The following ERGIC1 variants were observed in gnomAD, a reference collection of about 807,000 sequenced individuals.
ERGIC1 encodes endoplasmic reticulum-golgi intermediate compartment 1, also known as endoplasmic reticulum-Golgi intermediate compartment protein 1.
ERGIC1 carries 19 observed loss-of-function variants against 38.3 expected under a neutral mutation model. The observed-to-expected ratio is 0.50, with a 90% CI of 0.35 to 0.73. ERGIC1 has a LOEUF of 0.73. ERGIC1 is among the 30% of genes least tolerant of loss of function. The pLI is 0.01. For missense variants in ERGIC1, 294 were observed against 389.2 expected (o/e 0.76, Z 2.06); for synonymous variants, 124 against 157.6 (o/e 0.79, Z 1.60).
At chr5:172,941,389 T>C (rs1764009960) in intron 9 of ERGIC1, among the ~76,000 whole-genome samples, 1 of 152,144 alleles carries the variant, frequency 6.6e-6, no homozygotes, top group African/African-American at 2.4e-5. Context: ...CCCAGCAACC[T>C]CTCAAGGTAG....
At chr5:172,914,934 G>C (rs1028179244) in intron 5 of ERGIC1, 96 bp downstream of exon 5, 3 of 1,566,588 alleles carry the variant, frequency 1.9e-6, no homozygotes, top group African/African-American at 2.7e-5. Context: ...CACTCGACCT[G>C]ACCCTGACAC....
At chr5:172,863,737 G>C (rs1761778956) in intron 1 of ERGIC1, among the ~76,000 whole-genome samples, 1 of 152,216 alleles carries the variant, frequency 6.6e-6, no homozygotes, top group Non-Finnish European at 1.5e-5. Context: ...CTCCTGGTAT[G>C]TTGTTATTCT....
chr5:172,947,876 TTGTGTGTGTGTGTGTGTGTG>T (rs10566172), intron 9 of ERGIC1, among the ~76,000 whole-genome samples: 5 of 145,728 alleles, frequency 3.4e-5, no homozygotes, highest in South Asian at 2.2e-4. Context: ...CAGATGTGTT[TTGTGTGTGTGTGTGTGTGTG>T]TGTGTGTGTG....
At chr5:172,936,920 G>A (rs1763897457) in intron 9 of ERGIC1, 1 of 152,104 alleles carries the variant, frequency 6.6e-6, no homozygotes, top group Non-Finnish European at 1.5e-5. Flanking sequence ...GATCACTTGA[G>A]CCCAGGATTT....
At chr5:172,903,473 C>G (rs1762937511) in intron 3 of ERGIC1, among the ~76,000 whole-genome samples, 1 of 152,154 alleles carries the variant, frequency 6.6e-6, no homozygotes, top group Non-Finnish European at 1.5e-5. Flanking sequence ...GCTCTGGGCC[C>G]CCTGTCCCTG....
chr5:172,912,163 C>A (rs987086135), intron 4 of ERGIC1, among the ~76,000 whole-genome samples: 1 of 149,434 alleles, frequency 6.7e-6, no homozygotes, highest in Non-Finnish European at 1.5e-5. Context: ...GCCATTTATT[C>A]CATTCTTCCA....
At position 172,938,128 on chromosome 5, in the gene ERGIC1, C is replaced by A. The variant is rs191507146; in HGVS notation, c.765+2818C>A. Reference sequence around the variant, plus strand: ...GCTACCCTGAGGGGAGATGCACAAACCCCAGGACCCAAAAAATCAGGGGAT... The same window carrying A: ...GCTACCCTGAGGGGAGATGCACAAAACCCAGGACCCAAAAAATCAGGGGAT... On this transcript the variant is annotated intron_variant, in intron 9 of 9. Coordinates refer to ENST00000393784, the MANE Select transcript of ERGIC1 (RefSeq NM_001031711.3). The A allele has an allele frequency of 5.9e-5, 9 of 152,280 alleles. No individual in the cohort carries two copies. The East Asian group carries it at 1.7e-3, about 29-fold the overall frequency. The allele number at this position is 152,280 out of a possible 1,614,324, so 9.4% of individuals were successfully genotyped here.
At chr5:172,928,840 G>C (rs486113) in intron 7 of ERGIC1, among the ~76,000 whole-genome samples, 61,553 of 151,976 alleles carry the variant, frequency 0.41, 13,007 homozygotes, top group African/African-American at 0.5. Flanking sequence ...GTTTCTGCAT[G>C]TGTAAAGTGG....
intron 1 of ERGIC1, among the ~76,000 whole-genome samples, chr5:172,875,010 G>A (rs1762110457): frequency 6.6e-6 from 1 of 152,078 alleles, no homozygotes; most frequent in Non-Finnish European, 1.5e-5. Flanking sequence ...ACTTAAGTAA[G>A]GGAGCAAGCC....
At chr5:172,853,803 T>C (rs1244999703) in intron 1 of ERGIC1, among the ~76,000 whole-genome samples, 1 of 152,228 alleles carries the variant, frequency 6.6e-6, no homozygotes, top group Non-Finnish European at 1.5e-5. Context: ...TTCCTTCAGC[T>C]TTCTCAGCTG....
chr5:172,935,236 T>G lies in ERGIC1; in HGVS notation c.691T>G (p.Phe231Val), dbSNP rs1325302075. 1 of 1,613,990 alleles carries G rather than the reference T, an allele frequency of 6.2e-7. No individual in the cohort carries two copies. Among genetic ancestry groups the G allele is most frequent in the African/African-American group, 1.3e-5 (1 of 74,900 alleles). ...HTGRIIPAIWFRYDLSPITVK... is the reference protein window; with the variant it reads ...HTGRIIPAIWVRYDLSPITVK... ...GGGCCGCATCATCCCTGCAATCTGG[T>G]TCCGCTACGACCTCAGCCCCATCAC... The change falls in exon 9 of 10, where the codon TTC becomes GTC. Residue 231 changes from phenylalanine to valine, a missense_variant. Phe to Val is a conservative substitution (Grantham distance 50). This residue lies in a region of ERGIC1 where 109 missense variants were observed against 112.7 expected (regional missense o/e 0.97). Coordinates refer to ENST00000393784, the MANE Select transcript of ERGIC1 (RefSeq NM_001031711.3).
At position 172,935,181 on chromosome 5, in the gene ERGIC1, A is replaced by G. The variant is rs1325884610; in HGVS notation, c.643-7A>G. The G allele has an allele frequency of 6.2e-7, 1 of 1,613,256 alleles. No individual in the cohort carries two copies. The highest frequency in any genetic ancestry group is 1.7e-5 in the Admixed American group (1 of 59,942). ...TGTACTTCTGATTCTTATATCCTCT[A>G]CCCCAGGAATACGTCGCCTACAGCC... On this transcript the variant is annotated splice_polypyrimidine_tract_variant and splice_region_variant and intron_variant, in intron 8 of 9. Coordinates refer to ENST00000393784, the MANE Select transcript of ERGIC1 (RefSeq NM_001031711.3).
At position 172,900,037 on chromosome 5, in the gene ERGIC1, C is replaced by T. The variant is rs1372981106; in HGVS notation, c.155+2963C>T. ...GAATGTGAATTCCTTGTCCCCTCTT[C>T]CGCTTTGAGTTAAGAAGATGCCTCT... On this transcript the variant is annotated intron_variant, in intron 3 of 9. Coordinates refer to ENST00000393784, the MANE Select transcript of ERGIC1 (RefSeq NM_001031711.3). 2.0e-5 allele frequency among the ~76,000 whole-genome samples: 3 copies of T among 152,352 alleles called. No homozygotes were observed. In the East Asian group the frequency reaches 5.8e-4, roughly 29 times the overall value.
At chr5:172,883,748 G>A (rs537064580) in intron 1 of ERGIC1, among the ~76,000 whole-genome samples, 28 of 152,188 alleles carry the variant, frequency 1.8e-4, no homozygotes, top group Admixed American at 1.6e-3. Context: ...TTGGGAGGCC[G>A]AGGCGGGCAG....
At chr5:172,908,316 GGGAGAGAGGGGAGGGGGGGAGGGGGGA>G (rs1763096354) in intron 3 of ERGIC1, among the ~76,000 whole-genome samples, 2 of 9,284 alleles carry the variant, frequency 2.2e-4, no homozygotes, top group Non-Finnish European at 4.0e-4. Context: ...CGGGGGGGGG[GGGAGAGAGGGGAGGGGGGGAGGGGGGA>G]GGGGGGGGGT....
chr5:172,907,673 T>C (rs1763069292), intron 3 of ERGIC1, among the ~76,000 whole-genome samples: 1 of 152,158 alleles, frequency 6.6e-6, no homozygotes, highest in Admixed American at 6.5e-5. Flanking sequence ...TTGCACATGC[T>C]GCCAGGATGA....
chr5:172,937,057 G>A (rs1398113882), intron 9 of ERGIC1: 4 of 152,086 alleles, frequency 2.6e-5, no homozygotes, highest in Non-Finnish European at 4.4e-5. Flanking sequence ...CATAAGTCTG[G>A]TGCTTACATG....
At chr5:172,890,227 C>G (rs1261782882) in intron 2 of ERGIC1, among the ~76,000 whole-genome samples, 1 of 152,190 alleles carries the variant, frequency 6.6e-6, no homozygotes, top group African/African-American at 2.4e-5. Flanking sequence ...CATAGGAAAA[C>G]TCACAATCCC....
At chr5:172,844,803 G>A (rs1480291754) in intron 1 of ERGIC1, among the ~76,000 whole-genome samples, 1 of 152,176 alleles carries the variant, frequency 6.6e-6, no homozygotes, top group East Asian at 1.9e-4. Context: ...GGTGATCCTA[G>A]GGCTGGCCCA....
Sources: allele counts gnomAD v4.1 joint callset (sites outside exome capture counted in the v4.1 genomes callset), GRCh38; gene constraint gnomAD v4.1.1; regional missense constraint gnomAD v4.1.1; transcripts MANE v1.5; gene names NCBI Gene and HGNC (gene_info 2026-07-23, HGNC 2026-07-21).